Variants in PRIM2 observed in about 807,000 individuals in gnomAD.
The protein encoded by PRIM2 is DNA primase subunit 2, also known as DNA primase large subunit.
In PRIM2, 39 loss-of-function variants were observed where a neutral mutation model predicts 67.3. That is an observed-to-expected ratio of 0.58 (90% CI 0.45 to 0.76). The LOEUF (loss-of-function observed/expected upper bound fraction) is 0.76, where lower values mean the gene tolerates loss of function less well. Ranked by LOEUF, PRIM2 falls within the 30% of genes least tolerant of loss-of-function variation. The pLI, the probability that PRIM2 is intolerant of heterozygous loss-of-function variation, is 0.00. For synonymous variants in PRIM2, 143 were observed against 198.7 expected (o/e 0.72, Z 2.36); for missense variants, 398 against 598.7 (o/e 0.66, Z 3.50).
chr6:57,595,740 G>A (rs1408194591), intron 10 of PRIM2, among the ~76,000 whole-genome samples: 1 of 152,064 alleles, frequency 6.6e-6, no homozygotes, highest in African/African-American at 2.4e-5. Context: ...TGTAGGAAGC[G>A]GCATGGACCT....
At chr6:57,313,309 T>C (rs148332314), upstream of PRIM2, among the ~76,000 whole-genome samples, 215 of 152,334 alleles carry the variant, frequency 1.4e-3, 1 homozygote, top group African/African-American at 4.9e-3. Flanking sequence ...CATAATTATT[T>C]ATGTCTTTAA....
chr6:57,373,687 C>A (rs893505683), intron 5 of PRIM2, among the ~76,000 whole-genome samples: 11 of 152,160 alleles, frequency 7.2e-5, no homozygotes, highest in African/African-American at 2.7e-4. Context: ...CTCACAGCAC[C>A]ATTTATTATA....
chr6:57,304,434 A>T, the PRIM2 span, among the ~76,000 whole-genome samples: 38 of 152,230 alleles, frequency 2.5e-4, no homozygotes, highest in Non-Finnish European at 4.8e-4. Flanking sequence ...TTAACTCTAC[A>T]TGCAGACAGA....
chr6:57,410,324 G>A (rs9464472), intron 7 of PRIM2, among the ~76,000 whole-genome samples: 1 of 92,820 alleles, frequency 1.1e-5, no homozygotes, highest in South Asian at 4.0e-4. Context: ...AGAGTGAAAC[G>A]CCATCTCAAA....
chr6:57,368,839 A>G (rs560848380), intron 5 of PRIM2, among the ~76,000 whole-genome samples: 1 of 152,302 alleles, frequency 6.6e-6, no homozygotes, highest in Non-Finnish European at 1.5e-5. Context: ...AGTGACTTAT[A>G]GAAAGGTTTG....
chr6:57,233,291 A>G, the PRIM2 span, among the ~76,000 whole-genome samples: 1 of 152,170 alleles, frequency 6.6e-6, no homozygotes, highest in African/African-American at 2.4e-5. Flanking sequence ...TTATATTTTC[A>G]TTTATTCATC....
chr6:57,379,926 G>A lies in PRIM2; in HGVS notation c.485G>A (p.Arg162Gln), dbSNP rs766118849. The A allele has an allele frequency of 4.0e-5, 62 of 1,554,368 alleles. No individual in the cohort carries two copies. The highest frequency in any genetic ancestry group is 5.2e-5 in the Non-Finnish European group (60 of 1,148,202). Reference sequence around the variant, plus strand: ...ATAAGTGATGAAGAGAAGACTCTTCGAGAACAGGAGATTGTTGCCTCATCA... The same window carrying A: ...ATAAGTGATGAAGAGAAGACTCTTCAAGAACAGGAGATTGTTGCCTCATCA... Reference protein sequence around the residue: ...EAISDEEKTLREQEIVASSPS... With the variant: ...EAISDEEKTLQEQEIVASSPS... Residue 162 changes from arginine (R) to glutamine (Q), a missense_variant, in exon 6 of 14, where the codon CGA (arginine) becomes CAA (glutamine). Around this residue, in one of 4 missense-constraint regions of PRIM2, gnomAD observed 229 missense variants for 383.6 expected, o/e 0.60. Coordinates refer to ENST00000615550, the MANE Select transcript of PRIM2 (RefSeq NM_000947.5).
chr6:57,546,433 A>G (rs1775291664), intron 10 of PRIM2, among the ~76,000 whole-genome samples: 1 of 152,326 alleles, frequency 6.6e-6, no homozygotes, highest in Admixed American at 6.5e-5. Flanking sequence ...ATTTGGAGAA[A>G]GTGAATGACA....
intron 12 of PRIM2, among the ~76,000 whole-genome samples, chr6:57,606,981 G>A (rs1187300105): frequency 3.3e-5 from 5 of 152,146 alleles, no homozygotes; most frequent in Admixed American, 2.6e-4. Flanking sequence ...TGCTCAGATT[G>A]TACAACCAAA....
intron 5 of PRIM2, among the ~76,000 whole-genome samples, chr6:57,377,563 A>C (rs1335026304): frequency 6.6e-6 from 1 of 151,852 alleles, no homozygotes; most frequent in Non-Finnish European, 1.5e-5. Context: ...CTGAGATCTC[A>C]GAATCACTAG....
At chr6:57,430,389 T>C (rs1378374337) in intron 7 of PRIM2, among the ~76,000 whole-genome samples, 5 of 151,674 alleles carry the variant, frequency 3.3e-5, no homozygotes, top group African/African-American at 1.2e-4. Context: ...AAATAAGATA[T>C]GGAAAACGAA....
At chr6:57,291,823 A>G in the PRIM2 span, among the ~76,000 whole-genome samples, 1,579 of 152,270 alleles carry the variant, frequency 0.01, 15 homozygotes, top group Non-Finnish European at 0.017. Context: ...CTCGCAATAA[A>G]CTAGGTATTG....
rs1339578167 is a variant in PRIM2 at position 57,538,985 on chromosome 6, A to G, written c.1020+1360A>G. Among the ~76,000 whole-genome samples the G allele has an allele frequency of 1.1e-4, 17 of 152,300 alleles. 1 individual carries two copies. The South Asian group carries it at 2.7e-3, about 24-fold the overall frequency. On this transcript the variant is annotated intron_variant, in intron 10 of 13. Coordinates refer to ENST00000615550, the MANE Select transcript of PRIM2 (RefSeq NM_000947.5). Reference sequence around the variant, plus strand: ...AACAAATGACTTTTAGGAGATCACAATTCAGCTCGTGTGTGTAGCTATATA... The same window carrying G: ...AACAAATGACTTTTAGGAGATCACAGTTCAGCTCGTGTGTGTAGCTATATA...
intron 5 of PRIM2, among the ~76,000 whole-genome samples, chr6:57,334,155 T>G (rs1027495249): frequency 2.0e-5 from 3 of 152,240 alleles, no homozygotes; most frequent in African/African-American, 4.8e-5. Context: ...AGTGAGATCA[T>G]GACATATTTG....
chr6:57,501,460 G>C (rs1774130317), intron 7 of PRIM2, among the ~76,000 whole-genome samples: 3 of 151,854 alleles, frequency 2.0e-5, no homozygotes, highest in African/African-American at 7.3e-5. Flanking sequence ...CCACCAAGCC[G>C]AGCTAGTTTT....
the PRIM2 span, among the ~76,000 whole-genome samples, chr6:57,282,582 C>T: frequency 1.3e-5 from 2 of 152,040 alleles, no homozygotes; most frequent in East Asian, 1.9e-4. Flanking sequence ...AGAATGTGAC[C>T]GTATTTGAAG....
chr6:57,286,753 A>C, the PRIM2 span, among the ~76,000 whole-genome samples: 7 of 152,304 alleles, frequency 4.6e-5, no homozygotes, highest in African/African-American at 1.7e-4. Flanking sequence ...CCGAAATTGA[A>C]AAATGGGATC....
rs1248542059 is a variant in PRIM2, at chr6:57,456,956, A to T, written c.694-50431A>T. 1.2e-3 allele frequency among the ~76,000 whole-genome samples: 190 copies of T among 152,044 alleles called. 5 individuals carry two copies. In the East Asian group the frequency reaches 0.016, roughly 13 times the overall value. Reference sequence around the variant, plus strand: ...GGCCTTTGATGATGGTGACGTACAGATGGGGTTTTGGTGTGGATGTTCTTT... The same window carrying T: ...GGCCTTTGATGATGGTGACGTACAGTTGGGGTTTTGGTGTGGATGTTCTTT... On this transcript the variant is annotated intron_variant, in intron 7 of 13. Transcript: ENST00000615550.
At chr6:57,550,540 T>C (rs1775381740) in intron 10 of PRIM2, among the ~76,000 whole-genome samples, 3 of 152,328 alleles carry the variant, frequency 2.0e-5, no homozygotes, top group Admixed American at 6.5e-5. Flanking sequence ...ATTTAATTGC[T>C]CTTGATGTTG....
Sources: allele counts gnomAD v4.1 joint callset (sites outside exome capture counted in the v4.1 genomes callset), GRCh38; gene constraint gnomAD v4.1.1; regional missense constraint gnomAD v4.1.1; transcripts MANE v1.5; gene names NCBI Gene and HGNC (gene_info 2026-07-23, HGNC 2026-07-21).